The following RIMS2 variants were observed in gnomAD, a reference collection of about 807,000 sequenced individuals.
RIMS2 encodes the protein regulating synaptic membrane exocytosis 2, also known as regulating synaptic membrane exocytosis protein 2.
A neutral mutation model predicts 174.4 loss-of-function variants in RIMS2; 59 were observed. The observed-to-expected ratio is 0.34, with a 90% confidence interval of 0.27 to 0.42. The LOEUF is 0.42. Among genes scored for constraint, RIMS2 ranks in the 10% least tolerant of loss-of-function variants. The pLI is 1.00. For missense variants in RIMS2, 1,620 were observed against 1,666.3 expected (o/e 0.97, Z 0.48); for synonymous variants, 606 against 572.5 (o/e 1.06, Z -0.84).
chr8:103,540,688 G>A (rs78303485), intron 1 of RIMS2, among the ~76,000 whole-genome samples: 9,944 of 152,184 alleles, frequency 0.065, 399 homozygotes, highest in South Asian at 0.088. Flanking sequence ...ATATAAGCCT[G>A]CCTGAGAAAG....
chr8:103,786,014 G>A (rs901242477), intron 3 of RIMS2, among the ~76,000 whole-genome samples: 5 of 152,068 alleles, frequency 3.3e-5, no homozygotes, highest in African/African-American at 9.7e-5. Context: ...TGTATGTGTC[G>A]AGGAATGTAT....
chr8:103,938,589 G>T (rs188509689), intron 13 of RIMS2, among the ~76,000 whole-genome samples: 1 of 148,862 alleles, frequency 6.7e-6, no homozygotes, highest in African/African-American at 2.4e-5. Flanking sequence ...ATCTCATGTC[G>T]TCACATTTCA....
chr8:104,123,473 CAG>C (rs566923884), intron 19 of RIMS2, among the ~76,000 whole-genome samples: 187 of 151,912 alleles, frequency 1.2e-3, no homozygotes, highest in African/African-American at 4.3e-3. Context: ...ATGAGTATGA[CAG>C]GTATTATTTA....
intron 1 of RIMS2, among the ~76,000 whole-genome samples, chr8:103,639,985 G>A (rs574510884): frequency 7.6e-4 from 115 of 151,892 alleles, no homozygotes; most frequent in Admixed American, 1.3e-3. Flanking sequence ...ACATACTTCC[G>A]TATTTATTTA....
At chr8:103,596,467 A>G (rs551747264) in intron 1 of RIMS2, among the ~76,000 whole-genome samples, 3 of 152,176 alleles carry the variant, frequency 2.0e-5, no homozygotes, top group East Asian at 3.9e-4. Context: ...CTGAATTACC[A>G]TGTGGTGAAT....
chr8:103,584,662 C>T (rs978738532), intron 1 of RIMS2, among the ~76,000 whole-genome samples: 3 of 152,080 alleles, frequency 2.0e-5, no homozygotes, highest in Non-Finnish European at 4.4e-5. Flanking sequence ...CTAAGTTTTT[C>T]TCAGGTTAAG....
At chr8:104,225,780 C>T (rs973357269) in intron 19 of RIMS2, among the ~76,000 whole-genome samples, 4 of 152,034 alleles carry the variant, frequency 2.6e-5, no homozygotes, top group East Asian at 1.9e-4. Context: ...ATATGGGAAA[C>T]GGCGTTTTTA....
chr8:103,618,099 A>G (rs2095548044), intron 1 of RIMS2, among the ~76,000 whole-genome samples: 1 of 152,188 alleles, frequency 6.6e-6, no homozygotes, highest in Non-Finnish European at 1.5e-5. Context: ...AATGCCCATC[A>G]GTGACAGACT....
chr8:103,854,375 G>A (rs1442957292), intron 3 of RIMS2, among the ~76,000 whole-genome samples: 1 of 151,964 alleles, frequency 6.6e-6, no homozygotes, highest in Non-Finnish European at 1.5e-5. Context: ...GATTGCTCTG[G>A]CTAGGACTTC....
At chr8:103,993,623 T>C (rs2094873852) in intron 17 of RIMS2, among the ~76,000 whole-genome samples, 1 of 152,176 alleles carries the variant, frequency 6.6e-6, no homozygotes, top group Admixed American at 6.6e-5. Flanking sequence ...AAAAATAATA[T>C]AACGTTTTAT....
rs574016015 is a variant in RIMS2 at position 103,974,868 on chromosome 8, C to T, written c.2771-482C>T. On this transcript the variant is annotated intron_variant, in intron 15 of 23. Transcript: ENST00000504942. Reference sequence around the variant, plus strand: ...CTCATTTTTTAAAAAAAGCAAAAGCCGTTTACACATCTACTACAAAAGGTA... The same window carrying T: ...CTCATTTTTTAAAAAAAGCAAAAGCTGTTTACACATCTACTACAAAAGGTA... Among the ~76,000 whole-genome samples, 4 of 151,924 alleles carry T rather than the reference C, an allele frequency of 2.6e-5. No individual in the cohort carries two copies. In the East Asian group the frequency reaches 7.7e-4, roughly 29 times the overall value.
At chr8:103,950,257 C>T (rs2085003318) in intron 14 of RIMS2, among the ~76,000 whole-genome samples, 1 of 152,010 alleles carries the variant, frequency 6.6e-6, no homozygotes, top group South Asian at 2.1e-4. Flanking sequence ...TTGGGAATAC[C>T]ATCCAGCTCA....
intron 3 of RIMS2, chr8:103,819,214 A>G: frequency 8.2e-7 from 1 of 1,221,776 alleles, no homozygotes; most frequent in Non-Finnish European, 1.0e-6. Flanking sequence ...AAAGCAGCTC[A>G]GCTTCACACT....
intron 17 of RIMS2, among the ~76,000 whole-genome samples, chr8:104,012,549 C>T (rs578248678): frequency 6.6e-6 from 1 of 151,960 alleles, no homozygotes; most frequent in Non-Finnish European, 1.5e-5. Flanking sequence ...TTGAAATATA[C>T]TTTGACATAT....
chr8:103,804,958 A>G (rs540844151), intron 3 of RIMS2, among the ~76,000 whole-genome samples: 1 of 152,008 alleles, frequency 6.6e-6, no homozygotes, highest in South Asian at 2.1e-4. Flanking sequence ...CATCACACCC[A>G]GCTAATTTTT....
At chr8:103,832,180 C>A (rs983137654) in intron 3 of RIMS2, among the ~76,000 whole-genome samples, 5 of 152,078 alleles carry the variant, frequency 3.3e-5, no homozygotes, top group African/African-American at 1.2e-4. Context: ...TATCTTTTAT[C>A]ACTTTAAGAG....
At chr8:104,193,329 G>A (rs921813516) in intron 19 of RIMS2, among the ~76,000 whole-genome samples, 12 of 152,086 alleles carry the variant, frequency 7.9e-5, no homozygotes, top group African/African-American at 2.2e-4. Flanking sequence ...ACTCCATGGT[G>A]TTCAATTTAC....
chr8:104,058,038 T>C (rs1384718990), intron 19 of RIMS2, among the ~76,000 whole-genome samples: 9 of 151,922 alleles, frequency 5.9e-5, no homozygotes, highest in Admixed American at 5.9e-4. Context: ...TATGTGTGCA[T>C]GTGTCTTTAT....
At chr8:103,923,730 A>G (rs1484811947) in intron 10 of RIMS2, among the ~76,000 whole-genome samples, 1 of 151,798 alleles carries the variant, frequency 6.6e-6, no homozygotes, top group East Asian at 1.9e-4. Context: ...GTTCACACAT[A>G]TACCCATACC....
Sources: gnomAD v4.1 joint callset for allele counts (sites outside exome capture counted in the v4.1 genomes callset) on GRCh38, gnomAD v4.1.1 for gene constraint, MANE v1.5 for transcripts, NCBI Gene and HGNC (gene_info 2026-07-23, HGNC 2026-07-21) for gene names.